KCNG2: variants seen among roughly 807,000 people sequenced by gnomAD.
The protein encoded by KCNG2 is potassium voltage-gated channel modifier subfamily G member 2, also known as voltage-gated potassium channel regulatory subunit KCNG2.
Under a neutral mutation model 12.3 loss-of-function variants are expected in KCNG2, and 7 were observed. That is an observed-to-expected ratio of 0.57 (90% CI 0.32 to 1.07). KCNG2 has a LOEUF of 1.07. KCNG2 is among the 50% of genes least tolerant of loss of function. The pLI, the probability that KCNG2 is intolerant of heterozygous loss-of-function variation, is 0.04. For synonymous variants in KCNG2, 414 were observed against 351.4 expected, an observed-to-expected ratio of 1.18 and a Z score of -1.99; for missense variants, 703 against 726.0, an observed-to-expected ratio of 0.97 and a Z score of 0.36.
chr18:79,854,351 C>T (rs1418739599), intron 1 of KCNG2, among the ~76,000 whole-genome samples: 1 of 152,218 alleles, frequency 6.6e-6, no homozygotes, highest in Non-Finnish European at 1.5e-5. Flanking sequence ...CTTTCCCATT[C>T]CCCAAGCTCG....
Position 79,899,999 on chromosome 18 carries a change from C to A in KCNG2, c.*183C>A. ...GGCCCTGCCTGACTCCCCGTGGCAG[C>A]GCTGGGCAAAGTCACTGGCCTTTGT... On this transcript the variant is annotated 3_prime_UTR_variant, in exon 4 of 4. Coordinates refer to ENST00000316249, the MANE Select transcript of KCNG2 (RefSeq NM_012283.2). The A allele has an allele frequency of 2.3e-6, 1 of 441,766 alleles. No individual in the cohort carries two copies. Among genetic ancestry groups the A allele is most frequent in the Non-Finnish European group, 3.7e-6 (1 of 271,556 alleles). The allele number at this position is 441,766 out of a possible 1,614,324, so 27.4% of individuals were successfully genotyped here.
intron 1 of KCNG2, among the ~76,000 whole-genome samples, chr18:79,808,251 A>G (rs77339337): frequency 0.027 from 253 of 9,452 alleles, 2 homozygotes; most frequent in Middle Eastern, 0.071. Flanking sequence ...GCGCTCTGAG[A>G]AGCTGCCGGG....
chr18:79,845,549 A>G (rs951304734), intron 1 of KCNG2, among the ~76,000 whole-genome samples: 2 of 152,212 alleles, frequency 1.3e-5, no homozygotes, highest in African/African-American at 4.8e-5. Context: ...TTTGTGGATA[A>G]GAGTTATTAA....
intron 1 of KCNG2, among the ~76,000 whole-genome samples, chr18:79,853,905 G>A (rs988155557): frequency 1.3e-5 from 2 of 152,238 alleles, no homozygotes; most frequent in Non-Finnish European, 2.9e-5. Context: ...AGGGCCAAGT[G>A]GGGAGCTGGC....
chr18:79,858,834 C>T (rs1979114506), intron 2 of KCNG2, among the ~76,000 whole-genome samples: 1 of 152,022 alleles, frequency 6.6e-6, no homozygotes, highest in East Asian at 1.9e-4. Context: ...TGATATTGAT[C>T]ACCTTTCATG....
At chr18:79,889,144 A>G (rs1205405042) in intron 3 of KCNG2, among the ~76,000 whole-genome samples, 2 of 152,182 alleles carry the variant, frequency 1.3e-5, no homozygotes, top group African/African-American at 4.8e-5. Context: ...GAGGCACAAA[A>G]GTTTTTAATT....
intron 1 of KCNG2, among the ~76,000 whole-genome samples, chr18:79,801,427 G>C (rs899060632): frequency 7.2e-5 from 11 of 152,328 alleles, no homozygotes; most frequent in Middle Eastern, 6.8e-3. Flanking sequence ...GGTTTCCTCA[G>C]CCGGGGCCTG....
rs959677938 is a variant in KCNG2 at position 79,884,762 on chromosome 18, G to A, written c.625-14278G>A. 3.9e-5 allele frequency among the ~76,000 whole-genome samples: 6 copies of A among 152,072 alleles called. No individual in the cohort carries two copies. Among genetic ancestry groups the A allele is most frequent in the African/African-American group, 9.7e-5 (4 of 41,408 alleles). ...GGGTCCGCCCGGCTCTGTGTTCCTCGGGGGGGCTCATCCTGGGGCCCAGGA... is the reference window on the plus strand; with the variant it reads ...GGGTCCGCCCGGCTCTGTGTTCCTCAGGGGGGCTCATCCTGGGGCCCAGGA... On this transcript the variant is annotated intron_variant, in intron 3 of 3. Coordinates refer to ENST00000316249, the MANE Select transcript of KCNG2 (RefSeq NM_012283.2). The surrounding 1 kb of genome is among the most constrained non-coding windows in gnomAD (Gnocchi z 5.5).
intron 1 of KCNG2, among the ~76,000 whole-genome samples, chr18:79,855,128 G>C (rs1416897508): frequency 6.6e-6 from 1 of 151,772 alleles, no homozygotes; most frequent in Non-Finnish European, 1.5e-5. Flanking sequence ...ATTTTCTAAA[G>C]TTCCCAGGAG....
intron 3 of KCNG2, among the ~76,000 whole-genome samples, chr18:79,864,725 C>G (rs1449861900): frequency 2.6e-5 from 4 of 152,108 alleles, no homozygotes; most frequent in Non-Finnish European, 5.9e-5. Context: ...AGGACAGTGC[C>G]AGGGCCAGGA....
chr18:79,894,922 G>C (rs1465997823), intron 3 of KCNG2, among the ~76,000 whole-genome samples: 1 of 150,308 alleles, frequency 6.7e-6, no homozygotes, highest in Non-Finnish European at 1.5e-5. Flanking sequence ...TGATTGGGTT[G>C]TTCACTCCAT....
At chr18:79,845,439 T>C (rs1273681355) in intron 1 of KCNG2, among the ~76,000 whole-genome samples, 1 of 152,214 alleles carries the variant, frequency 6.6e-6, no homozygotes, top group Non-Finnish European at 1.5e-5. Flanking sequence ...GGTGCCCGTG[T>C]ATTTTCTCTT....
chr18:79,849,482 G>A (rs1477859043), intron 1 of KCNG2, among the ~76,000 whole-genome samples: 2 of 152,214 alleles, frequency 1.3e-5, no homozygotes, highest in Non-Finnish European at 2.9e-5. Context: ...AAGGTCGTCC[G>A]CGTGCAGGAG....
intron 1 of KCNG2, among the ~76,000 whole-genome samples, chr18:79,830,767 C>T (rs11876046): frequency 0.073 from 9,805 of 134,700 alleles, 59 homozygotes; most frequent in African/African-American, 0.13. Context: ...ACAGAGCCTT[C>T]GTCAGGAGGG....
intron 3 of KCNG2, among the ~76,000 whole-genome samples, chr18:79,879,789 C>T (rs1048276248): frequency 4.6e-5 from 7 of 152,062 alleles, no homozygotes; most frequent in Non-Finnish European, 7.4e-5. Context: ...GAAACGCACG[C>T]GTGTCAAGGC....
chr18:79,867,853 G>A (rs899927216), intron 3 of KCNG2, among the ~76,000 whole-genome samples: 4 of 152,108 alleles, frequency 2.6e-5, no homozygotes, highest in Admixed American at 6.5e-5. Context: ...AGCACCCACC[G>A]TCAGCACCGC....
At chr18:79,799,126 G>A (rs1448496879) in intron 1 of KCNG2, among the ~76,000 whole-genome samples, 2 of 152,258 alleles carry the variant, frequency 1.3e-5, no homozygotes, top group African/African-American at 2.4e-5. Flanking sequence ...CAAAGTGAGC[G>A]CCGGGCAGAT....
intron 3 of KCNG2, among the ~76,000 whole-genome samples, chr18:79,875,245 C>T (rs1980020055): frequency 6.6e-6 from 1 of 152,200 alleles, no homozygotes; most frequent in Admixed American, 6.5e-5. Flanking sequence ...TCCAGAGGGT[C>T]CTGCCCCATC....
At chr18:79,832,254 G>A (rs1349215742) in intron 1 of KCNG2, among the ~76,000 whole-genome samples, 1 of 128,228 alleles carries the variant, frequency 7.8e-6, no homozygotes, top group Middle Eastern at 6.6e-3. Context: ...CCTCACCCGT[G>A]AGACCTCACC....
Sources: allele counts gnomAD v4.1 joint callset (sites outside exome capture counted in the v4.1 genomes callset), GRCh38; gene constraint gnomAD v4.1.1; non-coding constraint Gnocchi (gnomAD v3.1); transcripts MANE v1.5; gene names NCBI Gene and HGNC (gene_info 2026-07-23, HGNC 2026-07-21).